Variants in OTUD7A observed in about 807,000 individuals in gnomAD.
The protein encoded by OTUD7A is OTU domain-containing protein 7A.
A neutral mutation model predicts 65.7 loss-of-function variants in OTUD7A; 12 were observed. That is an observed-to-expected ratio of 0.18 (90% CI 0.12 to 0.30). The LOEUF (loss-of-function observed/expected upper bound fraction) is 0.30. Ranked by LOEUF, OTUD7A falls within the 10% of genes least tolerant of loss-of-function variation. OTUD7A has a pLI of 1.00. For synonymous variants in OTUD7A, 641 were observed against 586.3 expected (o/e 1.09, Z -1.35); for missense variants, 1,148 against 1,304.8 (o/e 0.88, Z 1.85).
intron 3 of OTUD7A, among the ~76,000 whole-genome samples, chr15:31,620,116 C>A (rs1042194402): frequency 1.6e-4 from 25 of 152,154 alleles, no homozygotes; most frequent in African/African-American, 6.0e-4. Context: ...AGGGATGAAG[C>A]CCACTTGATC....
At chr15:31,757,000 C>G (rs146339307) in intron 1 of OTUD7A, among the ~76,000 whole-genome samples, 2 of 152,148 alleles carry the variant, frequency 1.3e-5, no homozygotes, top group African/African-American at 4.8e-5. Context: ...CCTGTCTCCT[C>G]GGAGCCACTG....
intron 1 of OTUD7A, among the ~76,000 whole-genome samples, chr15:31,824,284 C>A (rs1211163370): frequency 6.6e-6 from 1 of 152,206 alleles, no homozygotes; most frequent in Non-Finnish European, 1.5e-5. Context: ...ACATCTCACC[C>A]CCGACCCTCC....
In OTUD7A at chr15:31,480,944, T is replaced by C. The variant is rs560976028; in HGVS notation, c.*2350A>G. On this transcript the variant is annotated 3_prime_UTR_variant, in exon 13 of 13. Coordinates refer to ENST00000307050, the MANE Select transcript of OTUD7A (RefSeq NM_001382637.1). ...GGGCACATCTGTCATCAGATGGTGATGGGTGGAGGTAACTTGGAAATGCAA... is the reference window on the plus strand; with the variant it reads ...GGGCACATCTGTCATCAGATGGTGACGGGTGGAGGTAACTTGGAAATGCAA... 6.6e-6 allele frequency: 1 copy of C among 152,378 alleles called. No homozygotes were observed. Among genetic ancestry groups the C allele is most frequent in the African/African-American group, 2.4e-5 (1 of 41,586 alleles). 9.4% of individuals were successfully genotyped at this position (152,378 alleles called of 1,614,324 possible). A position where few individuals can be genotyped will look rare whatever the true frequency, so the allele number is the denominator to read the frequency against.
At chr15:31,864,806 A>T (rs1897836793) in intron 1 of OTUD7A, among the ~76,000 whole-genome samples, 1 of 151,596 alleles carries the variant, frequency 6.6e-6, no homozygotes, top group Non-Finnish European at 1.5e-5. Context: ...AGTCAAAGCA[A>T]GTTCATCTAA....
intron 1 of OTUD7A, among the ~76,000 whole-genome samples, chr15:31,826,805 TCTCA>T (rs771153861): frequency 6.6e-5 from 10 of 152,178 alleles, no homozygotes; most frequent in Non-Finnish European, 1.3e-4. Context: ...AAATCATCTC[TCTCA>T]AATTCAAGGT....
chr15:31,755,416 C>T (rs1894783877), intron 1 of OTUD7A, among the ~76,000 whole-genome samples: 1 of 152,010 alleles, frequency 6.6e-6, no homozygotes, highest in South Asian at 2.1e-4. Flanking sequence ...ACTGTGCAGT[C>T]CTTAAACAAA....
In OTUD7A at chr15:31,477,693, G is replaced by A. The variant is rs1471642880; in HGVS notation, c.*5601C>T. On this transcript the variant is annotated 3_prime_UTR_variant, in exon 13 of 13. Transcript: ENST00000307050. ...CCTTTTTTCAATAAATACTTATCCAGTGCCTAATATGTGTCAGGCACTGTT... is the reference window on the plus strand; with the variant it reads ...CCTTTTTTCAATAAATACTTATCCAATGCCTAATATGTGTCAGGCACTGTT... The A allele has an allele frequency of 2.6e-5, 4 of 152,056 alleles. No homozygotes were observed. The highest frequency in any genetic ancestry group is 9.7e-5 in the African/African-American group (4 of 41,368). The allele number at this position is 152,056 out of a possible 1,614,324, so 9.4% of individuals were successfully genotyped here. A position where few individuals can be genotyped will look rare whatever the true frequency, so the allele number is the denominator to read the frequency against.
intron 1 of OTUD7A, among the ~76,000 whole-genome samples, chr15:31,860,646 T>TATATATATATATATATATATATAG (rs1567059806): frequency 8.8e-6 from 1 of 113,896 alleles, no homozygotes; most frequent in African/African-American, 3.1e-5. Context: ...TATATATATG[T>TATATATATATATATATATATATAG]ATGTATGTGT....
intron 1 of OTUD7A, among the ~76,000 whole-genome samples, chr15:31,756,950 T>A (rs947394138): frequency 6.6e-6 from 1 of 152,152 alleles, no homozygotes. Flanking sequence ...ATAGAAATGA[T>A]GGCAGGAAAC....
intron 5 of OTUD7A, among the ~76,000 whole-genome samples, chr15:31,531,667 C>T (rs970400503): frequency 1.3e-5 from 2 of 152,062 alleles, no homozygotes; most frequent in Admixed American, 1.3e-4. Flanking sequence ...AATTATAACC[C>T]GACCACCACC....
chr15:31,589,094 G>T (rs1889637357), intron 3 of OTUD7A, among the ~76,000 whole-genome samples: 1 of 152,156 alleles, frequency 6.6e-6, no homozygotes, highest in Admixed American at 6.5e-5. Context: ...GAAACAGCTA[G>T]TTGCTTCTAC....
At chr15:31,822,908 C>T (rs574627502) in intron 1 of OTUD7A, among the ~76,000 whole-genome samples, 1 of 152,302 alleles carries the variant, frequency 6.6e-6, no homozygotes, top group East Asian at 1.9e-4. Context: ...TAAAAAGACA[C>T]TCTTAATTTT....
chr15:31,517,212 T>C (rs568750667), intron 8 of OTUD7A, among the ~76,000 whole-genome samples: 20 of 152,324 alleles, frequency 1.3e-4, no homozygotes, highest in African/African-American at 4.3e-4. Context: ...TCCCTTTTCA[T>C]TTCTCCTTAT....
chr15:31,523,097 T>G (rs1399760662), intron 8 of OTUD7A, among the ~76,000 whole-genome samples: 1 of 152,270 alleles, frequency 6.6e-6, no homozygotes, highest in Non-Finnish European at 1.5e-5. Context: ...TGCTCTTTCC[T>G]ATTCCCGGGT....
intron 1 of OTUD7A, among the ~76,000 whole-genome samples, chr15:31,699,091 T>C (rs948373618): frequency 3.1e-4 from 46 of 148,958 alleles, no homozygotes; most frequent in African/African-American, 1.1e-3. Context: ...CTTTTTTTTT[T>C]TTTTTTGAGA....
chr15:31,757,472 A>G (rs1440360492), intron 1 of OTUD7A, among the ~76,000 whole-genome samples: 1 of 151,994 alleles, frequency 6.6e-6, no homozygotes, highest in Non-Finnish European at 1.5e-5. Context: ...ACTTAAACAC[A>G]ATGGTCAAGA....
At chr15:31,807,401 AC>A (rs1461366358) in intron 1 of OTUD7A, among the ~76,000 whole-genome samples, 1 of 152,164 alleles carries the variant, frequency 6.6e-6, no homozygotes, top group African/African-American at 2.4e-5. Flanking sequence ...AAGTTGATGA[AC>A]GTGATCAATG....
chr15:31,623,533 C>G (rs537385506), intron 3 of OTUD7A, among the ~76,000 whole-genome samples: 3 of 152,192 alleles, frequency 2.0e-5, no homozygotes, highest in Non-Finnish European at 4.4e-5. Context: ...TAGCAATGAG[C>G]GAGGCTCCGT....
At chr15:31,859,297 A>G (rs1897659238) in intron 1 of OTUD7A, among the ~76,000 whole-genome samples, 1 of 152,216 alleles carries the variant, frequency 6.6e-6, no homozygotes, top group Non-Finnish European at 1.5e-5. Context: ...AGAGCTAATC[A>G]ATGTATGCCT....
Sources: allele counts gnomAD v4.1 joint callset (sites outside exome capture counted in the v4.1 genomes callset), GRCh38; gene constraint gnomAD v4.1.1; transcripts MANE v1.5; gene names NCBI Gene and HGNC (gene_info 2026-07-23, HGNC 2026-07-21).